PGGT1B: variants seen among roughly 807,000 people sequenced by gnomAD.
The protein encoded by PGGT1B is geranylgeranyl transferase type-1 subunit beta.
Under a neutral mutation model 46.1 loss-of-function variants are expected in PGGT1B, and 30 were observed. The ratio of observed to expected loss-of-function variants is 0.65; its 90% CI spans 0.49 to 0.88. The LOEUF (loss-of-function observed/expected upper bound fraction) is 0.88. Among genes scored for constraint, PGGT1B ranks in the 40% least tolerant of loss-of-function variants. The probability of loss-of-function intolerance (pLI) is 0.00; values close to 1 mark genes in which losing one functional copy is unlikely to be tolerated. For synonymous variants in PGGT1B, 170 were observed against 160.0 expected, an observed-to-expected ratio of 1.06 and a Z score of -0.47; for missense variants, 376 against 455.9, an observed-to-expected ratio of 0.82 and a Z score of 1.60.
chr5:115,216,751 T>G, intron 8 of PGGT1B, 114 bp downstream of exon 8: 1 of 676,984 alleles, frequency 1.5e-6, no homozygotes, highest in Non-Finnish European at 2.7e-6. Flanking sequence ...AAAATATTAT[T>G]TAATGTAACT....
chr5:115,260,245 A>T (rs899252810), intron 1 of PGGT1B, among the ~76,000 whole-genome samples: 17 of 152,228 alleles, frequency 1.1e-4, no homozygotes, highest in African/African-American at 3.6e-4. Context: ...AAAATGGTGA[A>T]TCTGAAAATA....
intron 7 of PGGT1B, among the ~76,000 whole-genome samples, chr5:115,218,617 C>T (rs187010879): frequency 2.0e-5 from 3 of 150,832 alleles, no homozygotes; most frequent in Non-Finnish European, 4.4e-5. Context: ...TTTATCTGTC[C>T]TTCTCTGTAC....
At chr5:115,262,395 C>A in intron 1 of PGGT1B, 1 of 344,696 alleles carries the variant, frequency 2.9e-6, no homozygotes, top group Non-Finnish European at 5.4e-6. Context: ...TGTCCTTTTC[C>A]TTTTACACTC....
intron 6 of PGGT1B, among the ~76,000 whole-genome samples, chr5:115,230,609 T>A (rs527576101): frequency 6.6e-6 from 1 of 152,302 alleles, no homozygotes; most frequent in Non-Finnish European, 1.5e-5. Flanking sequence ...TTCATGAACT[T>A]GTGCATTCAT....
rs1426919931 is a variant in PGGT1B, at chr5:115,209,251, T to C, written c.*3151A>G. On this transcript the variant is annotated 3_prime_UTR_variant, in exon 9 of 9. Transcript: ENST00000419445. ...CATTTGGATTCTAATTCTAGAAGTT[T>C]GTCCTCAGTGCTGGGCTTTGTCTCA... The C allele has an allele frequency of 6.6e-6, 1 of 152,178 alleles. No individual in the cohort carries two copies. The highest frequency in any genetic ancestry group is 1.5e-5 in the Non-Finnish European group (1 of 68,032). 9.4% of individuals were successfully genotyped at this position (152,178 alleles called of 1,614,324 possible). A position where few individuals can be genotyped will look rare whatever the true frequency, so the allele number is the denominator to read the frequency against.
Position 115,228,338 on chromosome 5 carries a change from C to CA in PGGT1B, c.658+2637dup, listed in dbSNP as rs538219950. 2.6e-5 allele frequency among the ~76,000 whole-genome samples: 4 copies of CA among 152,018 alleles called. No individual in the cohort carries two copies. The South Asian group carries it at 8.3e-4, about 32-fold the overall frequency. On this transcript the variant is annotated intron_variant, in intron 6 of 8. Coordinates refer to ENST00000419445, the MANE Select transcript of PGGT1B (RefSeq NM_005023.4). ...AGGATACATCAGTTTGTAACATAGG[C>CA]AAAAAACTCTGTTCTCATGAGGTTT...
intron 2 of PGGT1B, among the ~76,000 whole-genome samples, chr5:115,243,543 G>C (rs1260124998): frequency 1.3e-5 from 2 of 152,084 alleles, no homozygotes; most frequent in Non-Finnish European, 2.9e-5. Context: ...GGTGTGAGAT[G>C]ATATGAATAA....
chr5:115,258,662 A>C (rs1309306261), intron 1 of PGGT1B, among the ~76,000 whole-genome samples: 3 of 152,174 alleles, frequency 2.0e-5, no homozygotes, highest in Admixed American at 6.5e-5. Flanking sequence ...ACTGGAACAC[A>C]TTCTTTAAGA....
intron 3 of PGGT1B, among the ~76,000 whole-genome samples, chr5:115,241,246 T>A (rs1757335891): frequency 6.6e-6 from 1 of 152,190 alleles, no homozygotes; most frequent in Non-Finnish European, 1.5e-5. Flanking sequence ...CAATAACTTT[T>A]ACACACAGAT....
At position 115,207,176 on chromosome 5, in the gene PGGT1B, C is replaced by CATAAATATATATATATATATATAT. The variant is rs1455651127; in HGVS notation, c.*5225_*5226insATATATATATATATATATATTTAT. On this transcript the variant is annotated 3_prime_UTR_variant, in exon 9 of 9. Transcript: ENST00000419445. ...TCTAACTAGTTTAGGTTTGCATATA[C>CATAAATATATATATATATATATAT]ATACATATATATATATATATATATA... 1 of 30,106 alleles carries CATAAATATATATATATATATATAT rather than the reference C, an allele frequency of 3.3e-5. No individual in the cohort carries two copies. The highest frequency in any genetic ancestry group is 6.9e-5 in the Non-Finnish European group (1 of 14,540). 1.9% of individuals were successfully genotyped at this position (30,106 alleles called of 1,614,324 possible). A position where few individuals can be genotyped will look rare whatever the true frequency, so the allele number is the denominator to read the frequency against.
chr5:115,262,765 G>A lies in PGGT1B; in HGVS notation c.87C>T (p.Phe29=), dbSNP rs1345380546. The A allele has an allele frequency of 2.5e-6, 4 of 1,613,514 alleles. No homozygotes were observed. Among genetic ancestry groups the A allele is most frequent in the Non-Finnish European group, 3.4e-6 (4 of 1,179,772 alleles). ...CCGGCAAAACCTGGAGGCAGCGCTG[G>A]AAAAATCGCACGTGCCGATCCCGTA... The part of the protein sequence containing the change: ...DFLRDRHVRF[F]QRCLQVLPER... Residue 29 remains phenylalanine (F), a synonymous_variant, in exon 1 of 9, where the codon TTC becomes TTT. Transcript: ENST00000419445.
chr5:115,215,601 G>A (rs1756391297), intron 8 of PGGT1B, among the ~76,000 whole-genome samples: 1 of 152,156 alleles, frequency 6.6e-6, no homozygotes, highest in Non-Finnish European at 1.5e-5. Flanking sequence ...CCTGGCCTAG[G>A]AAGCATGTTT....
intron 2 of PGGT1B, among the ~76,000 whole-genome samples, chr5:115,244,923 C>T (rs989134598): frequency 6.6e-6 from 1 of 152,116 alleles, no homozygotes; most frequent in African/African-American, 2.4e-5. Context: ...TTTAATCCTT[C>T]TCTAGTTGGA....
chr5:115,237,891 G>T lies in PGGT1B; in HGVS notation c.446C>A (p.Ala149Glu). The T allele has an allele frequency of 1.2e-6, 2 of 1,611,446 alleles. No homozygotes were observed. Among genetic ancestry groups the T allele is most frequent in the Admixed American group, 1.7e-5 (1 of 59,918 alleles). ...TTCCAGCTGAAGGGCTCTCAAGCCC[G>T]CTAAGCAAGCTTCTTTATTTACTCG... ...LSRVNKEACLAGLRALQLEDG... is the reference protein window; with the variant it reads ...LSRVNKEACLEGLRALQLEDG... Residue 149 changes from alanine (A) to glutamate (E), a missense_variant, in exon 4 of 9, where the codon GCG becomes GAG. This residue lies in a region of PGGT1B where 222 missense variants were observed against 313.6 expected (regional missense o/e 0.71). Coordinates refer to ENST00000419445, the MANE Select transcript of PGGT1B (RefSeq NM_005023.4).
chr5:115,220,030 T>C (rs899333322), intron 7 of PGGT1B, among the ~76,000 whole-genome samples: 3 of 151,770 alleles, frequency 2.0e-5, no homozygotes, highest in Non-Finnish European at 4.4e-5. Context: ...GTGGAAAAGT[T>C]TGGCATTTCC....
At chr5:115,255,458 C>T (rs1166121278) in intron 1 of PGGT1B, among the ~76,000 whole-genome samples, 3 of 152,112 alleles carry the variant, frequency 2.0e-5, no homozygotes, top group Admixed American at 6.5e-5. Flanking sequence ...CTAACCCTCC[C>T]GGAGAGCTCT....
chr5:115,246,451 G>T (rs1459822299), intron 2 of PGGT1B, among the ~76,000 whole-genome samples: 3 of 151,900 alleles, frequency 2.0e-5, no homozygotes, highest in Non-Finnish European at 4.4e-5. Flanking sequence ...CTTTCCTTTG[G>T]AATTCTAGTA....
At chr5:115,255,218 A>T (rs952929648) in intron 1 of PGGT1B, among the ~76,000 whole-genome samples, 2 of 152,218 alleles carry the variant, frequency 1.3e-5, no homozygotes, top group African/African-American at 4.8e-5. Flanking sequence ...ATCACAGTCT[A>T]TAACACTACA....
At chr5:115,214,885 TAG>T (rs890815212) in intron 8 of PGGT1B, among the ~76,000 whole-genome samples, 3 of 152,248 alleles carry the variant, frequency 2.0e-5, no homozygotes, top group Admixed American at 6.5e-5. Flanking sequence ...TTTGAGGCAC[TAG>T]AGATATCAAA....
Sources: gnomAD v4.1 joint callset for allele counts (sites outside exome capture counted in the v4.1 genomes callset) on GRCh38, gnomAD v4.1.1 for gene constraint, gnomAD v4.1.1 regional missense constraint, MANE v1.5 for transcripts, NCBI Gene and HGNC (gene_info 2026-07-23, HGNC 2026-07-21) for gene names.